Variants in LRMDA observed in about 807,000 individuals in gnomAD.
LRMDA encodes the protein leucine-rich melanocyte differentiation-associated protein.
In LRMDA, 18 loss-of-function variants were observed where a neutral mutation model predicts 29.8. The observed-to-expected ratio is 0.60, with a 90% CI of 0.42 to 0.90. LRMDA has a LOEUF of 0.90. Among genes scored for constraint, LRMDA ranks in the 40% least tolerant of loss-of-function variants. The pLI, the probability that LRMDA is intolerant of heterozygous loss-of-function variation, is 0.00. For synonymous variants in LRMDA, 125 were observed against 109.4 expected (o/e 1.14, Z -0.89); for missense variants, 273 against 273.9 (o/e 1.00, Z 0.02).
At chr10:75,773,472 A>G (rs1843270289) in intron 2 of LRMDA, among the ~76,000 whole-genome samples, 1 of 152,070 alleles carries the variant, frequency 6.6e-6, no homozygotes, top group African/African-American at 2.4e-5. Flanking sequence ...GTCTGGTGAG[A>G]GGGGACACTG....
chr10:75,733,589 T>C (rs1332379313), intron 2 of LRMDA, among the ~76,000 whole-genome samples: 1 of 152,150 alleles, frequency 6.6e-6, no homozygotes, highest in Admixed American at 6.5e-5. Context: ...TTTATTGAGA[T>C]GATAATGTGG....
chr10:76,089,790 A>G (rs544556238), intron 5 of LRMDA, among the ~76,000 whole-genome samples: 108 of 152,212 alleles, frequency 7.1e-4, no homozygotes, highest in Admixed American at 2.0e-4. Context: ...AGTAGAGAAT[A>G]GGGAACATAA....
chr10:76,276,640 T>C lies in LRMDA; in HGVS notation c.517-47761T>C, dbSNP rs1564708342. On this transcript the variant is annotated intron_variant, in intron 5 of 6. Transcript: ENST00000611255. ...CTAATTCCAACATCTGAGCCATATA[T>C]GTGGATTATTTTTTTTACACAAATG... is the stretch of plus-strand genomic sequence containing the variant. Among the ~76,000 whole-genome samples the C allele has an allele frequency of 2.0e-5, 3 of 152,276 alleles. No homozygotes were observed. The East Asian group carries it at 5.8e-4, about 29-fold the overall frequency.
At chr10:75,689,878 C>A (rs1458746741) in intron 2 of LRMDA, among the ~76,000 whole-genome samples, 2 of 152,184 alleles carry the variant, frequency 1.3e-5, no homozygotes, top group African/African-American at 2.4e-5. Context: ...CCTTTGCAGG[C>A]AGTTCCCCAC....
At chr10:75,578,741 C>T (rs1343923071) in intron 2 of LRMDA, among the ~76,000 whole-genome samples, 1 of 151,510 alleles carries the variant, frequency 6.6e-6, no homozygotes, top group African/African-American at 2.4e-5. Flanking sequence ...TTAAGAAACG[C>T]ACTCAAAACC....
At chr10:75,457,414 C>T (rs1229438809) in intron 2 of LRMDA, among the ~76,000 whole-genome samples, 1 of 152,160 alleles carries the variant, frequency 6.6e-6, no homozygotes, top group African/African-American at 2.4e-5. Flanking sequence ...TTGGCCATGC[C>T]AGAGTCTTTC....
At chr10:76,434,704 A>G (rs919025347) in intron 6 of LRMDA, among the ~76,000 whole-genome samples, 1 of 152,190 alleles carries the variant, frequency 6.6e-6, no homozygotes, top group Non-Finnish European at 1.5e-5. Flanking sequence ...ACAACAATAA[A>G]TGAGCTTTCC....
At chr10:75,872,292 C>T (rs1455019834) in intron 2 of LRMDA, among the ~76,000 whole-genome samples, 2 of 151,238 alleles carry the variant, frequency 1.3e-5, no homozygotes, top group Non-Finnish European at 2.9e-5. Flanking sequence ...TCTATTCTCT[C>T]TCTCTCTCTT....
intron 5 of LRMDA, among the ~76,000 whole-genome samples, chr10:76,245,017 C>T (rs1423193632): frequency 1.3e-5 from 2 of 152,032 alleles, no homozygotes; most frequent in South Asian, 2.1e-4. Flanking sequence ...TTGTTGGAGC[C>T]GTACATCTCA....
intron 6 of LRMDA, among the ~76,000 whole-genome samples, chr10:76,552,926 C>T (rs139853391): frequency 6.4e-4 from 97 of 152,260 alleles, no homozygotes; most frequent in African/African-American, 2.1e-3. Flanking sequence ...GAGGCTGATT[C>T]CCACCCACTT....
intron 5 of LRMDA, among the ~76,000 whole-genome samples, chr10:76,178,620 CT>C (rs1456571911): frequency 6.6e-6 from 1 of 152,148 alleles, no homozygotes; most frequent in African/African-American, 2.4e-5. Flanking sequence ...AGAAACTTCC[CT>C]ACTTGACAAT....
intron 5 of LRMDA, among the ~76,000 whole-genome samples, chr10:76,279,418 A>G (rs745984818): frequency 6.6e-6 from 1 of 152,184 alleles, no homozygotes; most frequent in East Asian, 1.9e-4. Flanking sequence ...AAGCTTCACA[A>G]GGCAAGTACA....
At chr10:75,788,920 A>G (rs1468732978) in intron 2 of LRMDA, among the ~76,000 whole-genome samples, 2 of 152,242 alleles carry the variant, frequency 1.3e-5, no homozygotes, top group Non-Finnish European at 2.9e-5. Context: ...CAGTCAACAT[A>G]GTTTTACATT....
At chr10:76,033,807 C>G (rs1370444909) in intron 2 of LRMDA, among the ~76,000 whole-genome samples, 5 of 152,014 alleles carry the variant, frequency 3.3e-5, no homozygotes, top group Admixed American at 2.0e-4. Context: ...CACATCACTC[C>G]CTAACCCCTA....
intron 2 of LRMDA, among the ~76,000 whole-genome samples, chr10:75,796,922 G>A (rs977627709): frequency 6.6e-6 from 1 of 152,186 alleles, no homozygotes; most frequent in African/African-American, 2.4e-5. Context: ...AAAAATTGTG[G>A]TAATTTTCTT....
At chr10:75,694,239 A>G (rs970660189) in intron 2 of LRMDA, among the ~76,000 whole-genome samples, 9 of 152,318 alleles carry the variant, frequency 5.9e-5, no homozygotes, top group African/African-American at 1.7e-4. Flanking sequence ...TTGTAGCATT[A>G]AAGGATTTCA....
At chr10:75,456,960 G>A (rs926388539) in intron 2 of LRMDA, among the ~76,000 whole-genome samples, 7 of 152,316 alleles carry the variant, frequency 4.6e-5, no homozygotes, top group African/African-American at 1.7e-4. Context: ...ATAGGCATGA[G>A]TCACCTCACG....
intron 5 of LRMDA, among the ~76,000 whole-genome samples, chr10:76,146,417 GT>G (rs1850322334): frequency 2.0e-5 from 3 of 151,524 alleles, no homozygotes; most frequent in Admixed American, 6.6e-5. Context: ...AGCTCTTCTT[GT>G]TGAATTGATC....
chr10:75,592,502 G>A (rs1298545676), intron 2 of LRMDA, among the ~76,000 whole-genome samples: 2 of 152,208 alleles, frequency 1.3e-5, no homozygotes, highest in Non-Finnish European at 2.9e-5. Flanking sequence ...AAGGCTATCC[G>A]TGGCATCGGG....
Sources: allele counts gnomAD v4.1 joint callset (sites outside exome capture counted in the v4.1 genomes callset), GRCh38; gene constraint gnomAD v4.1.1; transcripts MANE v1.5; gene names NCBI Gene and HGNC (gene_info 2026-07-23, HGNC 2026-07-21).